The following MRPS28 variants were observed in gnomAD, a reference collection of about 807,000 sequenced individuals.
MRPS28 encodes the protein small ribosomal subunit protein bS1m.
In MRPS28, 7 loss-of-function variants were observed where a neutral mutation model predicts 10.8. That is an observed-to-expected ratio of 0.65 (90% CI 0.37 to 1.22). The LOEUF is 1.22. Ranked by LOEUF, MRPS28 falls within the 50% of genes most tolerant of loss-of-function variation. MRPS28 has a pLI of 0.02. For missense variants in MRPS28, 265 were observed against 232.9 expected (o/e 1.14, Z -0.90); for synonymous variants, 121 against 93.3 (o/e 1.30, Z -1.71).
intron 2 of MRPS28, among the ~76,000 whole-genome samples, chr8:79,938,262 A>G (rs931874597): frequency 1.4e-4 from 21 of 152,240 alleles, no homozygotes; most frequent in African/African-American, 4.3e-4. Context: ...TTTGCCACAC[A>G]TCGTGATTTG....
chr8:80,005,540 C>A (rs1353083262), intron 1 of MRPS28, among the ~76,000 whole-genome samples: 1 of 151,602 alleles, frequency 6.6e-6, no homozygotes, highest in Non-Finnish European at 1.5e-5. Context: ...ACATGCCAAA[C>A]TGTGGACCAT....
At chr8:79,999,744 C>G (rs527912395) in intron 2 of MRPS28, among the ~76,000 whole-genome samples, 1 of 152,254 alleles carries the variant, frequency 6.6e-6, no homozygotes, top group South Asian at 2.1e-4. Context: ...AATCAAACTA[C>G]TGATGTTAAA....
chr8:79,932,419 C>G (rs957526880), intron 2 of MRPS28, among the ~76,000 whole-genome samples: 2 of 152,076 alleles, frequency 1.3e-5, no homozygotes, highest in African/African-American at 4.8e-5. Flanking sequence ...GCAGCAGCAC[C>G]GTTGGTTCAA....
At chr8:79,992,219 C>T (rs1036209539) in intron 2 of MRPS28, among the ~76,000 whole-genome samples, 4 of 152,208 alleles carry the variant, frequency 2.6e-5, no homozygotes, top group African/African-American at 9.7e-5. Context: ...TCCTGGATTC[C>T]TGCCCCACAG....
intron 1 of MRPS28, among the ~76,000 whole-genome samples, chr8:80,003,938 G>C (rs914770201): frequency 6.6e-6 from 1 of 152,178 alleles, no homozygotes; most frequent in African/African-American, 2.4e-5. Context: ...GAGGCTGGGG[G>C]ACGGGCGCCC....
intron 1 of MRPS28, among the ~76,000 whole-genome samples, chr8:80,021,622 C>T (rs561533745): frequency 6.6e-6 from 1 of 152,236 alleles, no homozygotes; most frequent in South Asian, 2.1e-4. Context: ...TTACTTCTAA[C>T]TATTCTTGGA....
At chr8:79,925,141 T>A (rs1167906284) in intron 2 of MRPS28, among the ~76,000 whole-genome samples, 1 of 151,924 alleles carries the variant, frequency 6.6e-6, no homozygotes, top group Non-Finnish European at 1.5e-5. Context: ...ACATCTTAAG[T>A]CCTAATTTAT....
At position 80,009,617 on chromosome 8, in the gene MRPS28, A is replaced by T. The variant is rs544249574; in HGVS notation, c.214-6437T>A. On this transcript the variant is annotated intron_variant, in intron 1 of 2. Transcript: ENST00000276585. ...GGCAACAAGAGCCAAACTGTCTCAA[A>T]AAAGAAAAAAAAAAGAAAGAAATTA... 5.9e-5 allele frequency among the ~76,000 whole-genome samples: 9 copies of T among 151,866 alleles called. No individual in the cohort carries two copies. In the South Asian group the frequency reaches 1.7e-3, roughly 28 times the overall value.
chr8:79,928,049 C>T (rs900988895), intron 2 of MRPS28, among the ~76,000 whole-genome samples: 2 of 151,998 alleles, frequency 1.3e-5, no homozygotes, highest in Non-Finnish European at 2.9e-5. Context: ...CTCGGCTGGG[C>T]GTGGTGGCTC....
At chr8:79,964,190 T>A (rs1340988196) in intron 2 of MRPS28, among the ~76,000 whole-genome samples, 3 of 152,018 alleles carry the variant, frequency 2.0e-5, no homozygotes, top group Non-Finnish European at 4.4e-5. Context: ...TGAGGCAATA[T>A]CCAGGTCTGG....
intron 2 of MRPS28, among the ~76,000 whole-genome samples, chr8:79,998,011 T>C (rs1389738878): frequency 2.0e-5 from 3 of 149,370 alleles, no homozygotes; most frequent in East Asian, 2.0e-4. Context: ...GCTGAGATCA[T>C]GCCACTGCAC....
intron 1 of MRPS28, among the ~76,000 whole-genome samples, chr8:80,013,863 C>T (rs1272556974): frequency 3.3e-5 from 5 of 151,916 alleles, no homozygotes; most frequent in East Asian, 1.9e-4. Context: ...TTGAAATAAA[C>T]GTATTGGTGG....
At chr8:80,007,594 G>A (rs1008735457) in intron 1 of MRPS28, among the ~76,000 whole-genome samples, 5 of 152,128 alleles carry the variant, frequency 3.3e-5, no homozygotes, top group Admixed American at 6.5e-5. Context: ...CAAAATCAAT[G>A]TGCAAAAATC....
chr8:79,939,570 C>A (rs1192759645), intron 2 of MRPS28, among the ~76,000 whole-genome samples: 1 of 152,164 alleles, frequency 6.6e-6, no homozygotes, highest in Non-Finnish European at 1.5e-5. Context: ...TGGTCTCTTT[C>A]TACAATGTAC....
chr8:79,965,584 AG>A (rs1036978204), intron 2 of MRPS28, among the ~76,000 whole-genome samples: 7 of 152,104 alleles, frequency 4.6e-5, no homozygotes, highest in Admixed American at 4.6e-4. Flanking sequence ...CTGGTTTAGT[AG>A]GAGTCAAAAA....
intron 2 of MRPS28, among the ~76,000 whole-genome samples, chr8:79,944,290 T>C (rs1806843459): frequency 1.3e-5 from 2 of 152,242 alleles, no homozygotes; most frequent in African/African-American, 4.8e-5. Flanking sequence ...TGGAAGACTG[T>C]TTGCCTATTG....
At chr8:79,926,307 T>C (rs745780376) in intron 2 of MRPS28, among the ~76,000 whole-genome samples, 13 of 152,180 alleles carry the variant, frequency 8.5e-5, no homozygotes, top group Admixed American at 1.3e-4. Flanking sequence ...AATATATACA[T>C]TTATTGACTG....
chr8:80,015,457 A>G (rs1251000350), intron 1 of MRPS28, among the ~76,000 whole-genome samples: 1 of 152,206 alleles, frequency 6.6e-6, no homozygotes, highest in Non-Finnish European at 1.5e-5. Context: ...CTACCAAAAG[A>G]GAGGGAAACA....
In MRPS28 at chr8:79,918,928, T is replaced by C. The variant is rs1312129779; in HGVS notation, c.*52A>G. ...ATTCACAATTAGTCTAATTGCATTC[T>C]TGATGAATAACTGACTTCAGCAAAG... On this transcript the variant is annotated 3_prime_UTR_variant, in exon 3 of 3. Coordinates refer to ENST00000276585, the MANE Select transcript of MRPS28 (RefSeq NM_014018.3). 1.5e-6 allele frequency: 2 copies of C among 1,325,230 alleles called. No homozygotes were observed. Among genetic ancestry groups the C allele is most frequent in the Non-Finnish European group, 2.0e-6 (2 of 1,002,652 alleles). 82.1% of individuals were successfully genotyped at this position (1,325,230 alleles called of 1,614,324 possible). A position where few individuals can be genotyped will look rare whatever the true frequency, so the allele number is the denominator to read the frequency against.
Sources: allele counts gnomAD v4.1 joint callset (sites outside exome capture counted in the v4.1 genomes callset), GRCh38; gene constraint gnomAD v4.1.1; transcripts MANE v1.5; gene names NCBI Gene and HGNC (gene_info 2026-07-23, HGNC 2026-07-21).